The following DSPP variants were observed in gnomAD, a reference collection of about 807,000 sequenced individuals.
DSPP encodes the protein dentin sialophosphoprotein, also known as deafness, autosomal dominant 39.
A neutral mutation model predicts 29.1 loss-of-function variants in DSPP; 28 were observed. The ratio of observed to expected loss-of-function variants is 0.96; its 90% CI spans 0.71 to 1.32. The LOEUF (loss-of-function observed/expected upper bound fraction) is 1.32. Ranked by LOEUF, DSPP falls within the 40% of genes most tolerant of loss-of-function variation. DSPP has a pLI of 0.00. For synonymous variants in DSPP, 481 were observed against 503.4 expected (o/e 0.96, Z 0.60); for missense variants, 1,281 against 1,629.9 (o/e 0.79, Z 3.69).
intron 1 of DSPP, among the ~76,000 whole-genome samples, chr4:87,609,676 G>A (rs1727699359): frequency 6.6e-6 from 1 of 152,110 alleles, no homozygotes; most frequent in Admixed American, 6.6e-5. Context: ...GATATTCAGT[G>A]AAGTTTTATT....
In DSPP at chr4:87,614,868, GACAGCAGCA is replaced by G. The variant is rs201263760; in HGVS notation, c.2214_2222del (p.Asn739_Ser741del). 4 of 1,245,400 alleles carry G rather than the reference GACAGCAGCA, an allele frequency of 3.2e-6. No individual in the cohort carries two copies. The highest frequency in any genetic ancestry group is 4.5e-6 in the Non-Finnish European group (4 of 883,402). 77.1% of individuals were successfully genotyped at this position (1,245,400 alleles called of 1,614,324 possible). On this transcript the variant is annotated inframe_deletion, in exon 5 of 5. Transcript: ENST00000651931. ...CAGCAGCAACAGCAGCGATAGCAGT[GACAGCAGCA>G]ACAGCAGTGACAGCAGTGATAGCAG...
Position 87,613,005 on chromosome 4 carries a change from T to C in DSPP, c.819T>C (p.Ser273=). ...EDEEAGNGKD[S]SNNSKGQEGQ... The stretch of plus-strand genomic sequence containing the variant: ...AAGAAGCAGGGAATGGAAAAGACAG[T>C]AGTAATAACAGCAAGGGCCAGGAGG... The change falls in exon 4 of 5, where the codon AGT becomes AGC. Residue 273 remains serine (S), a synonymous_variant. Coordinates refer to ENST00000651931, the MANE Select transcript of DSPP (RefSeq NM_014208.3). 2 of 1,613,988 alleles carry C rather than the reference T, an allele frequency of 1.2e-6. No homozygotes were observed. Among genetic ancestry groups the C allele is most frequent in the South Asian group, 2.2e-5 (2 of 91,064 alleles).
At position 87,613,983 on chromosome 4, in the gene DSPP, A is replaced by G; in HGVS notation, c.1321A>G (p.Thr441Ala). 6.2e-7 allele frequency: 1 copy of G among 1,614,236 alleles called. No homozygotes were observed. The highest frequency in any genetic ancestry group is 8.5e-7 in the Non-Finnish European group (1 of 1,180,036). Residue 441 changes from threonine to alanine, a missense_variant, in exon 5 of 5, where the codon ACA becomes GCA. By Grantham distance (58) the Thr-to-Ala change is moderately conservative (BLOSUM62 0). Coordinates refer to ENST00000651931, the MANE Select transcript of DSPP (RefSeq NM_014208.3). ...AGGAAATAAAGTTGGACACAGCAATACAGGTAGTGACAGCAATAGTGATGG... is the reference window on the plus strand; with the variant it reads ...AGGAAATAAAGTTGGACACAGCAATGCAGGTAGTGACAGCAATAGTGATGG... ...EPGNKVGHSN[T>A]GSDSNSDGYD...
chr4:87,616,620 T>C lies in DSPP; in HGVS notation c.*52T>C. 6.4e-7 allele frequency: 1 copy of C among 1,551,412 alleles called. No individual in the cohort carries two copies. The highest frequency in any genetic ancestry group is 8.7e-7 in the Non-Finnish European group (1 of 1,146,902). Reference sequence around the variant, plus strand: ...TTTTGTGAAAAGTTTGGTAATGGGATAGGAAAAAAAGATTTCCAAGAAAGT... The same window carrying C: ...TTTTGTGAAAAGTTTGGTAATGGGACAGGAAAAAAAGATTTCCAAGAAAGT... On this transcript the variant is annotated 3_prime_UTR_variant, in exon 5 of 5. Coordinates refer to ENST00000651931, the MANE Select transcript of DSPP (RefSeq NM_014208.3).
In DSPP at chr4:87,615,012, G is replaced by A. The variant is rs559594297; in HGVS notation, c.2350G>A (p.Asp784Asn). 6.5e-7 allele frequency: 1 copy of A among 1,549,946 alleles called. No homozygotes were observed. Among genetic ancestry groups the A allele is most frequent in the East Asian group, 2.5e-5 (1 of 40,808 alleles). The change falls in exon 5 of 5, where the codon GAT (aspartate) becomes AAT (asparagine). Residue 784 changes from aspartate to asparagine, a missense_variant. Transcript: ENST00000651931. ...SDSSDSSNSSDSNDSSNSSDS... is the reference protein window; with the variant it reads ...SDSSDSSNSSNSNDSSNSSDS... ...TAGTAGTGACAGCAGCAACAGCAGT[G>A]ATAGCAACGACAGCAGCAATAGCAG...
At position 87,612,682 on chromosome 4, in the gene DSPP, G is replaced by A. The variant is rs774093440; in HGVS notation, c.496G>A (p.Asp166Asn). Residue 166 changes from aspartate (D) to asparagine (N), a missense_variant, in exon 4 of 5, where the codon GAT becomes AAT. Transcript: ENST00000651931. ...GNTDKNTQNG[D>N]VGDAGHNEDV... is the part of the protein sequence containing the mutation. ...TACTGATAAGAATACCCAAAATGGG[G>A]ATGTTGGCGATGCAGGTCACAATGA... 3.7e-6 allele frequency: 6 copies of A among 1,614,044 alleles called. No homozygotes were observed. Among genetic ancestry groups the A allele is most frequent in the Admixed American group, 1.7e-5 (1 of 60,000 alleles).
In DSPP at chr4:87,612,842, G is replaced by C; in HGVS notation, c.656G>C (p.Ser219Thr). 6.2e-7 allele frequency: 1 copy of C among 1,614,184 alleles called. No homozygotes were observed. The highest frequency in any genetic ancestry group is 8.5e-7 in the Non-Finnish European group (1 of 1,180,022). The stretch of plus-strand genomic sequence containing the variant: ...AGTGAAATAACACCTCAGATCAACA[G>C]CAAGAGAAATGGGACTAAGGAAGCT... ...NTSEITPQIN[S>T]KRNGTKEAEV... is the part of the protein sequence containing the mutation. The change falls in exon 4 of 5, where the codon AGC (serine) becomes ACC (threonine). Residue 219 changes from serine (S) to threonine (T), a missense_variant. Physicochemically the swap from Ser to Thr is moderately conservative, Grantham distance 58 (BLOSUM62 1). This residue lies in a region of DSPP where 631 missense variants were observed against 643.2 expected (regional missense o/e 0.98). Coordinates refer to ENST00000651931, the MANE Select transcript of DSPP (RefSeq NM_014208.3).
chr4:87,610,747 A>G, intron 1 of DSPP, 134 bp from the exon 2 acceptor site: 1 of 659,920 alleles, frequency 1.5e-6, no homozygotes, highest in South Asian at 1.8e-5. Context: ...GTTCTGGACC[A>G]TCGTATGTCT....
Position 87,612,725 on chromosome 4 carries a change from A to G in DSPP, c.539A>G (p.Gln180Arg). The G allele has an allele frequency of 6.2e-7, 1 of 1,614,226 alleles. No individual in the cohort carries two copies. The highest frequency in any genetic ancestry group is 8.5e-7 in the Non-Finnish European group (1 of 1,180,022). ...AGHNEDVAVV[Q>R]EDGPQVAGSN... ...CACAATGAGGATGTCGCTGTTGTCC[A>G]AGAAGATGGACCTCAAGTAGCTGGA... is the stretch of plus-strand genomic sequence containing the variant. Residue 180 changes from glutamine (Q) to arginine (R), a missense_variant, in exon 4 of 5, where the codon CAA (glutamine) becomes CGA (arginine). Transcript: ENST00000651931.
intron 2 of DSPP, 95 bp from the exon 3 acceptor site, chr4:87,612,010 T>C (rs1194842760): frequency 1.7e-6 from 2 of 1,173,158 alleles, no homozygotes; most frequent in African/African-American, 1.8e-5. Flanking sequence ...GGGAAGAATA[T>C]TTGTGTGTGT....
chr4:87,615,605 CAGCAGCGATAGCAGTGACAGCAGTGATAG>C lies in DSPP; in HGVS notation c.2944_2972del (p.Ser982GlnfsTer2). On this transcript the variant is annotated frameshift_variant, in exon 5 of 5. Transcript: ENST00000651931. LOFTEE classifies it low-confidence loss of function (END_TRUNC). ...GCAGCGACAGCAGTGACAGCAGCAACAGCAGCGATAGCAGTGACAGCAGTGATAGCAGTGACAGCAGTGACAGCAGTGAT... is the reference window on the plus strand; with the variant it reads ...GCAGCGACAGCAGTGACAGCAGCAACCAGTGACAGCAGTGACAGCAGTGAT... 5 of 1,547,068 alleles carry C rather than the reference CAGCAGCGATAGCAGTGACAGCAGTGATAG, an allele frequency of 3.2e-6. No homozygotes were observed. Among genetic ancestry groups the C allele is most frequent in the Non-Finnish European group, 4.4e-6 (5 of 1,146,582 alleles).
chr4:87,616,226 T>TAGCAGCGACAGCAGTGATAGCAGCGAC lies in DSPP; in HGVS notation c.3569_3570insCGACAGCAGTGATAGCAGCGACAGCAG (p.Ser1223_Ser1231dup), dbSNP rs750017792. Reference sequence around the variant, plus strand: ...GCAGTGATAGCAGCGACAGCAGTGATAGCAGTGACAGCAGCGACAGCAGCG... The same window carrying TAGCAGCGACAGCAGTGATAGCAGCGAC: ...GCAGTGATAGCAGCGACAGCAGTGATAGCAGCGACAGCAGTGATAGCAGCGACAGCAGTGACAGCAGCGACAGCAGCG... On this transcript the variant is annotated inframe_insertion, in exon 5 of 5. Coordinates refer to ENST00000651931, the MANE Select transcript of DSPP (RefSeq NM_014208.3). 2 of 1,508,768 alleles carry TAGCAGCGACAGCAGTGATAGCAGCGAC rather than the reference T, an allele frequency of 1.3e-6. No homozygotes were observed. The highest frequency in any genetic ancestry group is 3.0e-5 in the African/African-American group (2 of 65,834). The allele number at this position is 1,508,768 out of a possible 1,614,324, so 93.5% of individuals were successfully genotyped here.
chr4:87,612,577 AT>A lies in DSPP; in HGVS notation c.392del (p.Ile131ThrfsTer10), dbSNP rs755154362. ...HDGIHGKEEN[I>X]TANGIQGQVS... Reference sequence around the variant, plus strand: ...TGGAATACATGGGAAAGAAGAAAACATCACAGCAAATGGCATCCAGGGACAA... The same window carrying A: ...TGGAATACATGGGAAAGAAGAAAACACACAGCAAATGGCATCCAGGGACAA... On this transcript the variant is annotated frameshift_variant, in exon 4 of 5. Transcript: ENST00000651931. LOFTEE classifies it high-confidence loss of function. 1 of 1,614,186 alleles carries A rather than the reference AT, an allele frequency of 6.2e-7. No homozygotes were observed. Among genetic ancestry groups the A allele is most frequent in the African/African-American group, 1.3e-5 (1 of 75,078 alleles).
chr4:87,612,144 T>C lies in DSPP; in HGVS notation c.91T>C (p.Ser31Pro), dbSNP rs202163835. The C allele has an allele frequency of 4.3e-5, 69 of 1,613,828 alleles. No individual in the cohort carries two copies. The highest frequency in any genetic ancestry group is 5.5e-5 in the Non-Finnish European group (65 of 1,179,904). The change falls in exon 3 of 5, where the codon TCC becomes CCC. Residue 31 changes from serine (S) to proline (P), a missense_variant. Transcript: ENST00000651931. ...SKPLERHVEK[S>P]MNLHLLARSN... Reference sequence around the variant, plus strand: ...ACCACTGGAGAGACATGTCGAAAAATCCATGAATTTGCATCTCCTAGCAAG... The same window carrying C: ...ACCACTGGAGAGACATGTCGAAAAACCCATGAATTTGCATCTCCTAGCAAG...
Position 87,614,319 on chromosome 4 carries a change from G to A in DSPP, c.1657G>A (p.Asp553Asn). The A allele has an allele frequency of 6.2e-7, 1 of 1,611,948 alleles. No homozygotes were observed. Among genetic ancestry groups the A allele is most frequent in the Non-Finnish European group, 8.5e-7 (1 of 1,178,738 alleles). ...GKGKSDSSDS[D>N]SSDSSNSSDS... ...AGGTAAATCAGATAGCAGTGACAGT[G>A]ATAGTAGTGATAGCAGCAATAGCAG... is the stretch of plus-strand genomic sequence containing the variant. Residue 553 changes from aspartate (D) to asparagine (N), a missense_variant, in exon 5 of 5, where the codon GAT (aspartate) becomes AAT (asparagine). Coordinates refer to ENST00000651931, the MANE Select transcript of DSPP (RefSeq NM_014208.3).
Position 87,616,273 on chromosome 4 carries a change from G to GCAGCGACAGCAGCGA in DSPP, c.3611_3612insCAGCGACAGCAGCGA (p.Asp1206_Ser1210dup), listed in dbSNP as rs1727942471. The GCAGCGACAGCAGCGA allele has an allele frequency of 7.2e-7, 1 of 1,381,328 alleles. No homozygotes were observed. The highest frequency in any genetic ancestry group is 2.0e-5 in the African/African-American group (1 of 50,600). 85.6% of individuals were successfully genotyped at this position (1,381,328 alleles called of 1,614,324 possible). On this transcript the variant is annotated inframe_insertion, in exon 5 of 5. Transcript: ENST00000651931. ...AGCGATAGCAGCGACAGCAGCGATA[G>GCAGCGACAGCAGCGA]TAGTGATAGCAGTGACAGCAGTGAC...
Position 87,608,533 on chromosome 4 carries a change from A to G in DSPP, c.-116A>G, listed in dbSNP as rs1727678403. 1.3e-5 allele frequency: 2 copies of G among 152,350 alleles called. No individual in the cohort carries two copies. Among genetic ancestry groups the G allele is most frequent in the Admixed American group, 6.5e-5 (1 of 15,302 alleles). The allele number at this position is 152,350 out of a possible 1,614,324, so 9.4% of individuals were successfully genotyped here. The stretch of plus-strand genomic sequence containing the variant: ...TTCGGCAAGTACAAAATTGTCATGC[A>G]AAAGTCCAGGACAGTGGGCCACTTT... On this transcript the variant is annotated 5_prime_UTR_variant, in exon 1 of 5. Transcript: ENST00000651931.
rs567395152 is a variant in DSPP, at chr4:87,612,539, C to T, written c.353C>T (p.Thr118Ile). 21 of 1,613,976 alleles carry T rather than the reference C, an allele frequency of 1.3e-5. No homozygotes were observed. The highest frequency in any genetic ancestry group is 1.6e-4 in the Middle Eastern group (1 of 6,062). Residue 118 changes from threonine (T) to isoleucine (I), a missense_variant, in exon 4 of 5, where the codon ACA becomes ATA. Around this residue, in one of 4 missense-constraint regions of DSPP, gnomAD observed 631 missense variants for 643.2 expected, o/e 0.98. Transcript: ENST00000651931. ...GWNGDTGKAE[T>I]YGHDGIHGKE... ...AATGGGGACACAGGAAAAGCAGAAACATATGGTCATGATGGAATACATGGG... is the reference window on the plus strand; with the variant it reads ...AATGGGGACACAGGAAAAGCAGAAATATATGGTCATGATGGAATACATGGG...
chr4:87,610,436 C>G (rs992937508), intron 1 of DSPP, among the ~76,000 whole-genome samples: 4 of 152,180 alleles, frequency 2.6e-5, no homozygotes, highest in African/African-American at 9.6e-5. Context: ...AGCGTAGGCT[C>G]CCTCATGTTA....
Sources: gnomAD v4.1 joint callset for allele counts (sites outside exome capture counted in the v4.1 genomes callset) on GRCh38, gnomAD v4.1.1 for gene constraint, gnomAD v4.1.1 regional missense constraint, MANE v1.5 for transcripts, NCBI Gene and HGNC (gene_info 2026-07-23, HGNC 2026-07-21) for gene names.